The following GALNT13 variants were observed in gnomAD, a reference collection of about 807,000 sequenced individuals.
GALNT13 encodes polypeptide N-acetylgalactosaminyltransferase 13.
In GALNT13, 28 loss-of-function variants were observed where a neutral mutation model predicts 64.2. The observed-to-expected ratio is 0.44, with a 90% CI of 0.32 to 0.60. The LOEUF is 0.60. Among genes scored for constraint, GALNT13 ranks in the 20% least tolerant of loss-of-function variants. The pLI is 0.05. For synonymous variants in GALNT13, 214 were observed against 224.6 expected, an observed-to-expected ratio of 0.95 and a Z score of 0.42; for missense variants, 577 against 669.8, an observed-to-expected ratio of 0.86 and a Z score of 1.53.
At chr2:154,312,138 A>G (rs1429987256) in intron 9 of GALNT13, among the ~76,000 whole-genome samples, 1 of 152,202 alleles carries the variant, frequency 6.6e-6, no homozygotes, top group East Asian at 1.9e-4. Context: ...TGGGGAAGTG[A>G]TAAGTGTCCA....
chr2:153,963,723 CTCTCTCTCTGTGTGTG>C (rs1261731614), intron 3 of GALNT13, among the ~76,000 whole-genome samples: 1 of 94,726 alleles, frequency 1.1e-5, no homozygotes, highest in African/African-American at 4.3e-5. Context: ...CTCTCTCTCT[CTCTCTCTCTGTGTGTG>C]TGTGTGTGTG....
chr2:153,199,216 A>G, the GALNT13 span, among the ~76,000 whole-genome samples: 2 of 152,236 alleles, frequency 1.3e-5, no homozygotes, highest in East Asian at 1.9e-4. Flanking sequence ...ATAGGAATGC[A>G]TAATATTGGG....
At chr2:154,148,814 A>C (rs1683785178) in intron 4 of GALNT13, among the ~76,000 whole-genome samples, 1 of 151,930 alleles carries the variant, frequency 6.6e-6, no homozygotes, top group African/African-American at 2.4e-5. Flanking sequence ...TTCATTGTAG[A>C]TTGTGGATAT....
intron 4 of GALNT13, among the ~76,000 whole-genome samples, chr2:154,227,717 T>C (rs10189484): frequency 0.19 from 29,269 of 151,886 alleles, 3,142 homozygotes; most frequent in Middle Eastern, 0.33. Flanking sequence ...CTGGGGCACA[T>C]TTTTCTAATC....
At chr2:154,086,872 A>G in intron 3 of GALNT13, among the ~76,000 whole-genome samples, 1 of 152,166 alleles carries the variant, frequency 6.6e-6, no homozygotes, top group East Asian at 1.9e-4. Flanking sequence ...ACCGTTATAT[A>G]AAACTGTCTA....
chr2:153,569,804 G>T, the GALNT13 span, among the ~76,000 whole-genome samples: 1 of 151,648 alleles, frequency 6.6e-6, no homozygotes. Context: ...TTAAGTTTTT[G>T]CCCCTATTAA....
At chr2:153,944,886 G>A (rs559487922) in intron 3 of GALNT13, among the ~76,000 whole-genome samples, 1 of 152,278 alleles carries the variant, frequency 6.6e-6, no homozygotes, top group South Asian at 2.1e-4. Context: ...AAATTCTGGT[G>A]TTCTGTGACT....
At chr2:154,040,428 A>G (rs1260797022) in intron 3 of GALNT13, among the ~76,000 whole-genome samples, 1 of 140,864 alleles carries the variant, frequency 7.1e-6, no homozygotes, top group African/African-American at 2.4e-5. Context: ...AAATTAATTG[A>G]TAATGGTAAA....
chr2:153,322,961 G>T, the GALNT13 span, among the ~76,000 whole-genome samples: 4 of 152,082 alleles, frequency 2.6e-5, no homozygotes, highest in Non-Finnish European at 4.4e-5. Flanking sequence ...ATAAACATAC[G>T]TGTGCATGTG....
At chr2:153,495,106 T>C in the GALNT13 span, among the ~76,000 whole-genome samples, 2 of 152,272 alleles carry the variant, frequency 1.3e-5, no homozygotes, top group Non-Finnish European at 2.9e-5. Flanking sequence ...TTCTTTTTTT[T>C]CCCTTTTATT....
At chr2:153,202,230 C>T in the GALNT13 span, among the ~76,000 whole-genome samples, 1 of 151,802 alleles carries the variant, frequency 6.6e-6, no homozygotes. Flanking sequence ...ATGATCCACC[C>T]GCCTCGGCCT....
chr2:154,023,683 A>G (rs1319153881), intron 3 of GALNT13, among the ~76,000 whole-genome samples: 2 of 152,186 alleles, frequency 1.3e-5, no homozygotes, highest in African/African-American at 4.8e-5. Context: ...TGGAGCATTT[A>G]GCCCATTTAG....
chr2:154,236,357 G>GT (rs1689189838), intron 4 of GALNT13, among the ~76,000 whole-genome samples: 1 of 152,006 alleles, frequency 6.6e-6, no homozygotes, highest in Non-Finnish European at 1.5e-5. Context: ...CTTCCAAAGA[G>GT]TTTTTTAAAA....
the GALNT13 span, among the ~76,000 whole-genome samples, chr2:153,689,939 G>T: frequency 7.9e-5 from 12 of 151,676 alleles, no homozygotes; most frequent in Non-Finnish European, 1.5e-5. Context: ...TTTTGTTGTC[G>T]CTGTAATTAA....
chr2:153,984,577 T>C (rs1016253085), intron 3 of GALNT13, among the ~76,000 whole-genome samples: 1 of 151,858 alleles, frequency 6.6e-6, no homozygotes, highest in Admixed American at 6.6e-5. Context: ...GGTTATTTTT[T>C]CCTTTAATCA....
intron 4 of GALNT13, among the ~76,000 whole-genome samples, chr2:154,163,812 A>T (rs1317958053): frequency 6.6e-6 from 1 of 152,222 alleles, no homozygotes; most frequent in Non-Finnish European, 1.5e-5. Context: ...GTTTTAAAAA[A>T]AGTGGACAAG....
chr2:154,077,840 T>G (rs1701066932), intron 3 of GALNT13, among the ~76,000 whole-genome samples: 1 of 151,568 alleles, frequency 6.6e-6, no homozygotes, highest in Admixed American at 6.6e-5. Context: ...GGGGGAAGGT[T>G]ACACAGCATT....
At chr2:153,966,745 C>T (rs938372746) in intron 3 of GALNT13, among the ~76,000 whole-genome samples, 4 of 151,674 alleles carry the variant, frequency 2.6e-5, no homozygotes, top group African/African-American at 7.3e-5. Flanking sequence ...TGTTTTGAAT[C>T]TTCTTGGTGT....
the GALNT13 span, among the ~76,000 whole-genome samples, chr2:153,657,786 A>G: frequency 6.6e-6 from 1 of 152,150 alleles, no homozygotes; most frequent in Non-Finnish European, 1.5e-5. Flanking sequence ...GTTTGAGAAC[A>G]ACTTGGCAGA....
Sources: gnomAD v4.1 joint callset for allele counts (sites outside exome capture counted in the v4.1 genomes callset) on GRCh38, gnomAD v4.1.1 for gene constraint, MANE v1.5 for transcripts, NCBI Gene and HGNC (gene_info 2026-07-23, HGNC 2026-07-21) for gene names.